Variants in LGI4 observed in about 807,000 individuals in gnomAD.
The protein encoded by LGI4 is leucine rich repeat LGI family member 4, also known as leucine-rich repeat LGI family member 4.
A neutral mutation model predicts 48.3 loss-of-function variants in LGI4; 36 were observed. The observed-to-expected ratio is 0.75, with a 90% confidence interval of 0.57 to 0.98. The LOEUF (loss-of-function observed/expected upper bound fraction) is 0.98. LGI4 is among the 50% of genes least tolerant of loss of function. The probability of loss-of-function intolerance (pLI) is 0.00; values close to 1 mark genes in which losing one functional copy is unlikely to be tolerated. For missense variants in LGI4, 701 were observed against 732.1 expected, an observed-to-expected ratio of 0.96 and a Z score of 0.49; for synonymous variants, 355 against 331.6, an observed-to-expected ratio of 1.07 and a Z score of -0.77.
In LGI4 at chr19:35,131,847, T is replaced by A; in HGVS notation, c.400A>T (p.Asn134Tyr). ...RSLTHLSLAN[N>Y]HLETLPRFLF... ...AATCTGGGGAGGGTCTCCAGATGGT[T>A]ATTGGCCAGGCTTCTGGTGGAGGAA... The change falls in exon 5 of 9, where the codon AAC becomes TAC. Residue 134 changes from asparagine (N) to tyrosine (Y), a missense_variant. Asn to Tyr is a moderately radical substitution (Grantham distance 143, BLOSUM62 -2). This residue lies in a region of LGI4 where 462 missense variants were observed against 436.4 expected (regional missense o/e 1.06). Transcript: ENST00000310123. 1 of 1,574,074 alleles carries A rather than the reference T, an allele frequency of 6.4e-7. No individual in the cohort carries two copies. The highest frequency in any genetic ancestry group is 8.6e-7 in the Non-Finnish European group (1 of 1,159,564).
chr19:35,134,633 C>A lies in LGI4; in HGVS notation c.48G>T (p.Val16=). The A allele has an allele frequency of 6.4e-7, 1 of 1,562,160 alleles. No individual in the cohort carries two copies. Among genetic ancestry groups the A allele is most frequent in the Non-Finnish European group, 8.7e-7 (1 of 1,149,610 alleles). Residue 16 remains valine, a synonymous_variant, in exon 1 of 9, where the codon GTG becomes GTT. Transcript: ENST00000310123. ...CCTTTGGGGGTCTCCAGGCCACCAC[C>A]ACCCCCGCCCCAGCCAGCAGCAGCA... ...ILLLLLAGAG[V]VVAWRPPKGK...
In LGI4 at chr19:35,134,435, C is replaced by T. The variant is rs184403652; in HGVS notation, c.170+76G>A. 1.3e-3 allele frequency: 1,853 copies of T among 1,449,176 alleles called. 3 individuals carry two copies. The highest frequency in any genetic ancestry group is 2.3e-3 in the Admixed American group (113 of 49,042). The allele number at this position is 1,449,176 out of a possible 1,614,324, so 89.8% of individuals were successfully genotyped here. ...ATGGGCCCCTGTTTCCCTGGAGACC[C>T]GGCACCACATCCCAACCTCTGGGGT... On this transcript the variant is annotated intron_variant, in intron 1 of 8. Coordinates refer to ENST00000310123, the MANE Select transcript of LGI4 (RefSeq NM_139284.3).
chr19:35,129,218 C>T lies in LGI4; in HGVS notation c.628+2168G>A, dbSNP rs115640631. Among the ~76,000 whole-genome samples the T allele has an allele frequency of 2.7e-3, 407 of 152,136 alleles. 1 individual carries two copies. Among genetic ancestry groups the T allele is most frequent in the Middle Eastern group, 0.021 (6 of 292 alleles). ...GGATAACTTGAATGAAGAGGGACTC[C>T]CTAAGTTAAATCCCCTTCTTCTATG... On this transcript the variant is annotated intron_variant, in intron 6 of 8. Transcript: ENST00000310123.
Position 35,133,587 on chromosome 19 carries a change from C to T in LGI4, c.314+106G>A, listed in dbSNP as rs528573418. On this transcript the variant is annotated intron_variant, in intron 3 of 8. Transcript: ENST00000310123. ...ACACCATCCCACCATGATGTCCAAACACCTGCTCCTCAGGGCCACAGCTCC... is the reference window on the plus strand; with the variant it reads ...ACACCATCCCACCATGATGTCCAAATACCTGCTCCTCAGGGCCACAGCTCC... The T allele has an allele frequency of 6.7e-6, 10 of 1,496,374 alleles. No individual in the cohort carries two copies. The Admixed American group carries it at 7.1e-5, about 11-fold the overall frequency. The allele number at this position is 1,496,374 out of a possible 1,614,324, so 92.7% of individuals were successfully genotyped here.
rs770800383 is a variant in LGI4, at chr19:35,131,783, C to G, written c.458+6G>C. 1 of 1,550,188 alleles carries G rather than the reference C, an allele frequency of 6.5e-7. No homozygotes were observed. The highest frequency in any genetic ancestry group is 1.2e-5 in the South Asian group (1 of 84,224). ...CCCCCACATTCCCAGCCCCCATGAG[C>G]CTCACACATGAGTAAGGGTGTCCAG... On this transcript the variant is annotated splice_donor_region_variant and intron_variant, in intron 5 of 8. Transcript: ENST00000310123.
Position 35,125,504 on chromosome 19 carries a change from T to C in LGI4, c.1303A>G (p.Met435Val), listed in dbSNP as rs1191463620. 1 of 1,551,668 alleles carries C rather than the reference T, an allele frequency of 6.4e-7. No homozygotes were observed. Among genetic ancestry groups the C allele is most frequent in the Non-Finnish European group, 8.7e-7 (1 of 1,145,646 alleles). The change falls in exon 9 of 9, where the codon ATG becomes GTG. Residue 435 changes from methionine (M) to valine (V), a missense_variant. By Grantham distance (21) the Met-to-Val change is conservative. This residue lies in a region of LGI4 where 223 missense variants were observed against 263.3 expected (regional missense o/e 0.85). Transcript: ENST00000310123. ...CGAAACATGGAGCCGTCCCAGCGCATGACCTGTGGGGGTGTGGCCAGTGAG... is the reference window on the plus strand; with the variant it reads ...CGAAACATGGAGCCGTCCCAGCGCACGACCTGTGGGGGTGTGGCCAGTGAG... ...LTRYIGDSMV[M>V]RWDGSMFRLL...
rs61999289 is a variant in LGI4, at chr19:35,126,806, A to G, written c.794-31T>C. ...GGGAGGTGGGGAGGCAGGTCAGGCC[A>G]GCCAGGCAGGCTGCTGGACAGGCAG... On this transcript the variant is annotated intron_variant, in intron 7 of 8. Transcript: ENST00000310123. 5,088 of 1,587,822 alleles carry G rather than the reference A, an allele frequency of 3.2e-3. 116 individuals carry two copies. The South Asian group carries it at 0.037, about 12-fold the overall frequency.
In LGI4 at chr19:35,134,889, CCT is replaced by C. The variant is rs1387100230; in HGVS notation, c.-211_-210del. The C allele has an allele frequency of 3.9e-6, 2 of 517,012 alleles. No homozygotes were observed. Among genetic ancestry groups the C allele is most frequent in the East Asian group, 6.7e-5 (2 of 29,866 alleles). The allele number at this position is 517,012 out of a possible 1,614,324, so 32.0% of individuals were successfully genotyped here. A position where few individuals can be genotyped will look rare whatever the true frequency, so the allele number is the denominator to read the frequency against. On this transcript the variant is annotated 5_prime_UTR_variant, in exon 1 of 9. Coordinates refer to ENST00000310123, the MANE Select transcript of LGI4 (RefSeq NM_139284.3). ...GTCTAATTTTCTGTTTCTCTTTCTC[CCT>C]GTCTTTCTGTCTCTGTATTTTTGAC...
At chr19:35,131,331 T>C in intron 6 of LGI4, 55 bp downstream of exon 6, 1 of 1,546,442 alleles carries the variant, frequency 6.5e-7, no homozygotes, top group Non-Finnish European at 8.7e-7. Flanking sequence ...CTCTTGGCCC[T>C]GGCAGCCTTT....
intron 6 of LGI4, among the ~76,000 whole-genome samples, chr19:35,128,032 C>T (rs1005503220): frequency 1.3e-5 from 2 of 152,188 alleles, no homozygotes; most frequent in African/African-American, 4.8e-5. Context: ...GTGTAATGAG[C>T]CACCACACCT....
chr19:35,128,673 C>G (rs1164732896), intron 6 of LGI4, among the ~76,000 whole-genome samples: 1 of 152,196 alleles, frequency 6.6e-6, no homozygotes, highest in Non-Finnish European at 1.5e-5. Flanking sequence ...GATTGTACCA[C>G]TGAACTCCAG....
chr19:35,126,691 A>G lies in LGI4; in HGVS notation c.878T>C (p.Leu293Pro), dbSNP rs1396079637. 2.0e-6 allele frequency: 3 copies of G among 1,536,942 alleles called. No individual in the cohort carries two copies. The South Asian group carries it at 3.6e-5, about 18-fold the overall frequency. Residue 293 changes from leucine to proline, a missense_variant, in exon 8 of 9, where the codon CTG becomes CCG. Physicochemically the swap from Leu to Pro is moderately conservative, Grantham distance 98. Transcript: ENST00000310123. ...CAGGCCGGGACTGGGCCGGGCCCACAGCTGTGAGCCCCCCCACAGGCGGGC... is the reference window on the plus strand; with the variant it reads ...CAGGCCGGGACTGGGCCGGGCCCACGGCTGTGAGCCCCCCCACAGGCGGGC... ...LAARLWGGSQ[L>P]WARPSPGLRL...
Position 35,125,162 on chromosome 19 carries a change from C to T in LGI4, c.*31G>A. 1 of 1,502,422 alleles carries T rather than the reference C, an allele frequency of 6.7e-7. No individual in the cohort carries two copies. Among genetic ancestry groups the T allele is most frequent in the South Asian group, 1.4e-5 (1 of 72,918 alleles). The allele number at this position is 1,502,422 out of a possible 1,614,324, so 93.1% of individuals were successfully genotyped here. On this transcript the variant is annotated 3_prime_UTR_variant, in exon 9 of 9. Coordinates refer to ENST00000310123, the MANE Select transcript of LGI4 (RefSeq NM_139284.3). ...GCCAGCCAAGGGGCCGTCCAGGGGC[C>T]CCAGCCATGCCCAGAGTCCCGTTGG...
chr19:35,125,082 C>T lies in LGI4; in HGVS notation c.*111G>A, dbSNP rs2065121338. 2 of 884,112 alleles carry T rather than the reference C, an allele frequency of 2.3e-6. No homozygotes were observed. The highest frequency in any genetic ancestry group is 3.3e-6 in the Non-Finnish European group (2 of 598,198). 54.8% of individuals were successfully genotyped at this position (884,112 alleles called of 1,614,324 possible). Reference sequence around the variant, plus strand: ...AAGGCCTAGACGTGTGGCTGATGAACGTGGCCCACGGTCAGCAGCTCACAG... The same window carrying T: ...AAGGCCTAGACGTGTGGCTGATGAATGTGGCCCACGGTCAGCAGCTCACAG... On this transcript the variant is annotated 3_prime_UTR_variant, in exon 9 of 9. Coordinates refer to ENST00000310123, the MANE Select transcript of LGI4 (RefSeq NM_139284.3).
chr19:35,134,865 T>G lies in LGI4; in HGVS notation c.-185A>C. 2 of 519,146 alleles carry G rather than the reference T, an allele frequency of 3.9e-6. No individual in the cohort carries two copies. The highest frequency in any genetic ancestry group is 6.7e-6 in the Non-Finnish European group (2 of 297,146). 32.2% of individuals were successfully genotyped at this position (519,146 alleles called of 1,614,324 possible). A position where few individuals can be genotyped will look rare whatever the true frequency, so the allele number is the denominator to read the frequency against. On this transcript the variant is annotated 5_prime_UTR_variant, in exon 1 of 9. Coordinates refer to ENST00000310123, the MANE Select transcript of LGI4 (RefSeq NM_139284.3). Reference sequence around the variant, plus strand: ...CCTCCCTGTTCGTATGTCTTTGGTGTCTAATTTTCTGTTTCTCTTTCTCCC... The same window carrying G: ...CCTCCCTGTTCGTATGTCTTTGGTGGCTAATTTTCTGTTTCTCTTTCTCCC...
chr19:35,125,240 C>T lies in LGI4; in HGVS notation c.1567G>A (p.Gly523Ser), dbSNP rs760623420. ...TGATGCTGGTAGATCTGTGTGGGGC[C>T]CTTAAAGCAAGCAGCAAAGAGGAAG... ...RRFLFAACFK[G>S]PTQIYQHHEI... The change falls in exon 9 of 9, where the codon GGC becomes AGC. Residue 523 changes from glycine (G) to serine (S), a missense_variant. Gly to Ser is a moderately conservative substitution (Grantham distance 56). This residue lies in a region of LGI4 where 223 missense variants were observed against 263.3 expected (regional missense o/e 0.85). Transcript: ENST00000310123. The T allele has an allele frequency of 6.3e-7, 1 of 1,582,766 alleles. No individual in the cohort carries two copies. Among genetic ancestry groups the T allele is most frequent in the Non-Finnish European group, 8.6e-7 (1 of 1,162,604 alleles).
In LGI4 at chr19:35,125,500, C is replaced by A. The variant is rs773877731; in HGVS notation, c.1307G>T (p.Arg436Leu). 1.3e-6 allele frequency: 2 copies of A among 1,555,608 alleles called. No individual in the cohort carries two copies. Among genetic ancestry groups the A allele is most frequent in the East Asian group, 2.3e-5 (1 of 43,442 alleles). Reference sequence around the variant, plus strand: ...CAGACGAAACATGGAGCCGTCCCAGCGCATGACCTGTGGGGGTGTGGCCAG... The same window carrying A: ...CAGACGAAACATGGAGCCGTCCCAGAGCATGACCTGTGGGGGTGTGGCCAG... ...TRYIGDSMVMRWDGSMFRLLQ... is the reference protein window; with the variant it reads ...TRYIGDSMVMLWDGSMFRLLQ... Residue 436 changes from arginine to leucine, a missense_variant, in exon 9 of 9, where the codon CGC (arginine) becomes CTC (leucine). Arg to Leu is a moderately radical substitution (Grantham distance 102, BLOSUM62 -2). This residue lies in a region of LGI4 where 223 missense variants were observed against 263.3 expected (regional missense o/e 0.85). Transcript: ENST00000310123.
intron 6 of LGI4, among the ~76,000 whole-genome samples, chr19:35,129,030 C>T (rs1157967898): frequency 6.6e-6 from 1 of 152,150 alleles, no homozygotes; most frequent in Non-Finnish European, 1.5e-5. Context: ...TTGTAGTTAT[C>T]ACAACGTATA....
chr19:35,131,488 C>T lies in LGI4; in HGVS notation c.526G>A (p.Val176Met), dbSNP rs755752653. 1.4e-5 allele frequency: 21 copies of T among 1,551,102 alleles called. No individual in the cohort carries two copies. Among genetic ancestry groups the T allele is most frequent in the East Asian group, 1.2e-4 (5 of 40,950 alleles). ...GCGCCGGTCCCCACGCTGGCATTCACGGTGGGCATCCACTGCAGGAGCCAG... is the reference window on the plus strand; with the variant it reads ...GCGCCGGTCCCCACGCTGGCATTCATGGTGGGCATCCACTGCAGGAGCCAG... ...VLWLLQWMPT[V>M]NASVGTGACA... Residue 176 changes from valine to methionine, a missense_variant, in exon 6 of 9, where the codon GTG (valine) becomes ATG (methionine). By Grantham distance (21) the Val-to-Met change is conservative. Transcript: ENST00000310123.
Sources: gnomAD v4.1 joint callset for allele counts (sites outside exome capture counted in the v4.1 genomes callset) on GRCh38, gnomAD v4.1.1 for gene constraint, gnomAD v4.1.1 regional missense constraint, MANE v1.5 for transcripts, NCBI Gene and HGNC (gene_info 2026-07-23, HGNC 2026-07-21) for gene names.